GNG2: variants seen among roughly 807,000 people sequenced by gnomAD.
GNG2 encodes G protein subunit gamma 2, also known as guanine nucleotide-binding protein G(I)/G(S)/G(O) subunit gamma-2.
A neutral mutation model predicts 5.5 loss-of-function variants in GNG2; 5 were observed. The ratio of observed to expected loss-of-function variants is 0.91; its 90% confidence interval spans 0.48 to 1.92. The LOEUF is 1.92. Ranked by LOEUF, GNG2 falls within the 30% of genes most tolerant of loss-of-function variation. The probability of loss-of-function intolerance (pLI) is 0.01; values close to 1 mark genes in which losing one functional copy is unlikely to be tolerated. For synonymous variants in GNG2, 28 were observed against 32.0 expected (o/e 0.88, Z 0.42); for missense variants, 55 against 88.4 (o/e 0.62, Z 1.52).
At chr14:51,915,277 GC>G (rs1015438198) in intron 2 of GNG2, among the ~76,000 whole-genome samples, 2 of 152,222 alleles carry the variant, frequency 1.3e-5, no homozygotes, top group African/African-American at 4.8e-5. Flanking sequence ...AAGGATGGCA[GC>G]TTTGGATTGA....
At chr14:51,898,579 G>C (rs1210004361) in intron 2 of GNG2, among the ~76,000 whole-genome samples, 1 of 152,150 alleles carries the variant, frequency 6.6e-6, no homozygotes, top group Admixed American at 6.5e-5. Context: ...AAGCCCAATG[G>C]AACAAACAAA....
At chr14:51,875,123 TTAATGTAACAATCCGGACGTGGA>T (rs1883570545) in intron 1 of GNG2, among the ~76,000 whole-genome samples, 1 of 152,246 alleles carries the variant, frequency 6.6e-6, no homozygotes. Context: ...TTACTTCTTT[TTAATGTAACAATCCGGACGTGGA>T]TGGCCCAGGA....
intron 2 of GNG2, among the ~76,000 whole-genome samples, chr14:51,854,174 T>C (rs1219894756): frequency 2.6e-5 from 4 of 152,106 alleles, no homozygotes. Context: ...ATGCCCGGCC[T>C]ATCCCTGAAT....
intron 1 of GNG2, among the ~76,000 whole-genome samples, chr14:51,873,622 A>G (rs536670506): frequency 6.6e-6 from 1 of 152,342 alleles, no homozygotes; most frequent in East Asian, 1.9e-4. Context: ...CTTGGGAAAA[A>G]GGGGAAAAAT....
chr14:51,897,154 C>T (rs988535728), intron 2 of GNG2, among the ~76,000 whole-genome samples: 2 of 152,296 alleles, frequency 1.3e-5, no homozygotes, highest in Non-Finnish European at 2.9e-5. Flanking sequence ...GCCCTCAGGG[C>T]TGAAGAAGAA....
upstream of GNG2, among the ~76,000 whole-genome samples, chr14:51,857,626 A>G (rs193241818): frequency 2.6e-5 from 4 of 152,316 alleles, no homozygotes; most frequent in African/African-American, 9.6e-5. Flanking sequence ...ATTGCACAGA[A>G]AAAACCAAAG....
intron 2 of GNG2, among the ~76,000 whole-genome samples, chr14:51,935,073 G>T (rs148286284): frequency 3.9e-4 from 54 of 140,192 alleles, no homozygotes; most frequent in African/African-American, 1.4e-3. Context: ...TGCCCAGGCC[G>T]CAGTGCAGTG....
At chr14:51,883,480 C>T (rs1179939294) in intron 2 of GNG2, among the ~76,000 whole-genome samples, 1 of 152,176 alleles carries the variant, frequency 6.6e-6, no homozygotes, top group Non-Finnish European at 1.5e-5. Flanking sequence ...GCCCAGCATC[C>T]TCCAATGTTA....
chr14:51,856,003 T>C (rs1882139378), upstream of GNG2, among the ~76,000 whole-genome samples: 3 of 152,050 alleles, frequency 2.0e-5, no homozygotes, highest in Admixed American at 2.0e-4. Context: ...CAAAATGCCA[T>C]CTGTACAAAA....
intron 2 of GNG2, among the ~76,000 whole-genome samples, chr14:51,937,619 C>G (rs985832680): frequency 3.3e-5 from 2 of 60,190 alleles, no homozygotes; most frequent in African/African-American, 7.5e-5. Context: ...AAAAGAAATA[C>G]ATAATTTTTT....
At chr14:51,869,866 A>T (rs1272363555) in intron 1 of GNG2, among the ~76,000 whole-genome samples, 1 of 152,160 alleles carries the variant, frequency 6.6e-6, no homozygotes, top group African/African-American at 2.4e-5. Context: ...TTCCACTCAC[A>T]ACTCACATGC....
intron 2 of GNG2, among the ~76,000 whole-genome samples, chr14:51,885,017 G>A (rs1171714734): frequency 2.0e-5 from 3 of 152,168 alleles, no homozygotes; most frequent in Admixed American, 6.5e-5. Flanking sequence ...CAGGTCCAAT[G>A]CACAGAGGGG....
At chr14:51,838,676 G>A (rs775460753) in intron 2 of GNG2, among the ~76,000 whole-genome samples, 29 of 152,116 alleles carry the variant, frequency 1.9e-4, no homozygotes, top group Non-Finnish European at 2.6e-4. Flanking sequence ...ATAAACTCCC[G>A]TTTATATATA....
intron 2 of GNG2, among the ~76,000 whole-genome samples, chr14:51,948,717 C>A (rs1481406301): frequency 1.3e-5 from 2 of 152,130 alleles, no homozygotes; most frequent in Admixed American, 1.3e-4. Context: ...CCATGCAATT[C>A]TCCTTCCTTT....
chr14:51,960,174 A>AT (rs35702479), intron 3 of GNG2, among the ~76,000 whole-genome samples: 54,374 of 145,970 alleles, frequency 0.37, 10,085 homozygotes, highest in Middle Eastern at 0.42. Context: ...TGTTTTGTTC[A>AT]TTTTTTTTTT....
intron 2 of GNG2, among the ~76,000 whole-genome samples, chr14:51,891,163 C>T (rs1027240355): frequency 5.9e-5 from 9 of 152,152 alleles, no homozygotes; most frequent in African/African-American, 2.2e-4. Context: ...TCGTTCTCCC[C>T]GGTAGAGAAG....
At chr14:51,914,916 G>A (rs551118251) in intron 2 of GNG2, among the ~76,000 whole-genome samples, 1 of 152,298 alleles carries the variant, frequency 6.6e-6, no homozygotes, top group South Asian at 2.1e-4. Context: ...GATGATACAT[G>A]CCCTGCCATC....
chr14:51,886,545 A>G (rs912317641), intron 2 of GNG2, among the ~76,000 whole-genome samples: 5 of 152,216 alleles, frequency 3.3e-5, no homozygotes, highest in African/African-American at 2.4e-5. Flanking sequence ...GTACTTAGTA[A>G]AAAGAATATT....
chr14:51,848,596 T>C (rs1228454840), intron 2 of GNG2, among the ~76,000 whole-genome samples: 1 of 152,198 alleles, frequency 6.6e-6, no homozygotes, highest in Non-Finnish European at 1.5e-5. Flanking sequence ...TCTGTCTAAA[T>C]GTCTTCTCCT....
Sources: allele counts gnomAD v4.1 joint callset (sites outside exome capture counted in the v4.1 genomes callset), GRCh38; gene constraint gnomAD v4.1.1; transcripts MANE v1.5; gene names NCBI Gene and HGNC (gene_info 2026-07-23, HGNC 2026-07-21).